The following GRM1 variants were observed in gnomAD, a reference collection of about 807,000 sequenced individuals.
The protein encoded by GRM1 is metabotropic glutamate receptor 1.
In GRM1, 33 loss-of-function variants were observed where a neutral mutation model predicts 90.9. The ratio of observed to expected loss-of-function variants is 0.36; its 90% CI spans 0.28 to 0.49. The LOEUF is 0.49. Ranked by LOEUF, GRM1 falls within the 20% of genes least tolerant of loss-of-function variation. The pLI, the probability that GRM1 is intolerant of heterozygous loss-of-function variation, is 0.99. For missense variants in GRM1, 1,190 were observed against 1,534.3 expected, an observed-to-expected ratio of 0.78 and a Z score of 3.75; for synonymous variants, 700 against 613.2, an observed-to-expected ratio of 1.14 and a Z score of -2.09.
intron 5 of GRM1, among the ~76,000 whole-genome samples, chr6:146,386,437 T>C (rs1286806662): frequency 6.6e-6 from 1 of 152,146 alleles, no homozygotes; most frequent in Non-Finnish European, 1.5e-5. Context: ...TAATTCAGTT[T>C]TTCATAATTA....
chr6:146,382,788 T>G (rs1291879190), intron 5 of GRM1, among the ~76,000 whole-genome samples: 1 of 152,130 alleles, frequency 6.6e-6, no homozygotes, highest in Non-Finnish European at 1.5e-5. Context: ...CATTCAACAC[T>G]CATTTATTGG....
Position 146,428,678 on chromosome 6 carries a change from AATC to A in GRM1, c.2661-5191_2661-5189del, listed in dbSNP as rs545575299. Among the ~76,000 whole-genome samples the A allele has an allele frequency of 8.5e-4, 130 of 152,318 alleles. 1 individual carries two copies. The highest frequency in any genetic ancestry group is 2.8e-3 in the African/African-American group (118 of 41,566). ...TCATCTATACTTCCTGAAGAAATATAATCATATTTGTTATACCTCTGCTAAAGC... is the reference window on the plus strand; with the variant it reads ...TCATCTATACTTCCTGAAGAAATATAATATTTGTTATACCTCTGCTAAAGC... On this transcript the variant is annotated intron_variant, in intron 7 of 7. Transcript: ENST00000282753.
intron 2 of GRM1, among the ~76,000 whole-genome samples, chr6:146,193,485 G>A (rs540605229): frequency 7.2e-5 from 11 of 152,276 alleles, no homozygotes; most frequent in Non-Finnish European, 1.3e-4. Context: ...GTGAAAAAAA[G>A]TACAACTGGA....
intron 2 of GRM1, among the ~76,000 whole-genome samples, chr6:146,175,017 G>C (rs966823301): frequency 6.6e-6 from 1 of 152,114 alleles, no homozygotes; most frequent in African/African-American, 2.4e-5. Context: ...AGAGAGAGGG[G>C]AGAACATCAC....
chr6:146,098,207 T>C (rs1776936516), intron 1 of GRM1, among the ~76,000 whole-genome samples: 1 of 152,182 alleles, frequency 6.6e-6, no homozygotes, highest in Non-Finnish European at 1.5e-5. Flanking sequence ...GATAGAATCA[T>C]TTTTAATATA....
In GRM1 at chr6:146,425,280, A is replaced by G. The variant is rs183857874; in HGVS notation, c.2661-8592A>G. Reference sequence around the variant, plus strand: ...AATCCCTTGCTTTCAGGTAGTGAACATCTGTTCCAGAGTATTCTTGTTTAA... The same window carrying G: ...AATCCCTTGCTTTCAGGTAGTGAACGTCTGTTCCAGAGTATTCTTGTTTAA... On this transcript the variant is annotated intron_variant, in intron 7 of 7. Transcript: ENST00000282753. 2.4e-3 allele frequency among the ~76,000 whole-genome samples: 363 copies of G among 152,302 alleles called. 1 individual carries two copies. The highest frequency in any genetic ancestry group is 0.024 in the Middle Eastern group (7 of 294).
At chr6:146,207,483 T>A (rs889803514) in intron 2 of GRM1, among the ~76,000 whole-genome samples, 1 of 152,228 alleles carries the variant, frequency 6.6e-6, no homozygotes, top group African/African-American at 2.4e-5. Context: ...TTATAGATGC[T>A]GGATATTGGA....
chr6:146,236,901 G>A lies in GRM1; in HGVS notation c.951-67710G>A, dbSNP rs940040307. On this transcript the variant is annotated intron_variant, in intron 2 of 7. Coordinates refer to ENST00000282753, the MANE Select transcript of GRM1 (RefSeq NM_001278064.2). The stretch of plus-strand genomic sequence containing the variant: ...TGTGGTGGCATCCAGTGAGGTTTGT[G>A]AAGAGTCTGGAAGTGGGTCAAACTC... Among the ~76,000 whole-genome samples the A allele has an allele frequency of 3.5e-4, 53 of 152,174 alleles. 1 individual carries two copies. Among genetic ancestry groups the A allele is most frequent in the East Asian group, 1.9e-4 (1 of 5,152 alleles).
chr6:146,085,488 C>T (rs561153824), intron 1 of GRM1, among the ~76,000 whole-genome samples: 4 of 152,086 alleles, frequency 2.6e-5, no homozygotes, highest in Admixed American at 6.6e-5. Context: ...TTAGATCACT[C>T]GTAAGTCTCT....
intron 1 of GRM1, among the ~76,000 whole-genome samples, chr6:146,110,578 T>C (rs1775521054): frequency 6.6e-6 from 1 of 152,158 alleles, no homozygotes; most frequent in South Asian, 2.1e-4. Flanking sequence ...TCCCATCTGT[T>C]TGTGCTCACC....
At chr6:146,232,671 C>T (rs1463793235) in intron 2 of GRM1, among the ~76,000 whole-genome samples, 1 of 152,006 alleles carries the variant, frequency 6.6e-6, no homozygotes, top group Non-Finnish European at 1.5e-5. Flanking sequence ...ACCTGCCCTC[C>T]AGCCCCCCAA....
At chr6:146,204,157 G>A (rs1337611314) in intron 2 of GRM1, among the ~76,000 whole-genome samples, 1 of 152,136 alleles carries the variant, frequency 6.6e-6, no homozygotes, top group Non-Finnish European at 1.5e-5. Flanking sequence ...TTTATAAGGT[G>A]GATTAGCAGG....
intron 1 of GRM1, among the ~76,000 whole-genome samples, chr6:146,105,915 G>T (rs1396529851): frequency 6.6e-6 from 1 of 152,116 alleles, no homozygotes; most frequent in East Asian, 1.9e-4. Flanking sequence ...CCTAACTAAA[G>T]CTTGGGTCTC....
intron 1 of GRM1, among the ~76,000 whole-genome samples, chr6:146,065,680 C>T (rs1166776672): frequency 6.6e-6 from 1 of 152,136 alleles, no homozygotes; most frequent in African/African-American, 2.4e-5. Flanking sequence ...TAGACCCCTC[C>T]TGATCCACGT....
intron 2 of GRM1, among the ~76,000 whole-genome samples, chr6:146,198,280 T>C (rs925748080): frequency 1.3e-5 from 2 of 152,330 alleles, no homozygotes; most frequent in Admixed American, 1.3e-4. Flanking sequence ...CTATAGTCAT[T>C]GTCCAGGTTC....
chr6:146,289,868 G>A (rs895698104), intron 2 of GRM1, among the ~76,000 whole-genome samples: 11 of 152,206 alleles, frequency 7.2e-5, no homozygotes, highest in Non-Finnish European at 1.0e-4. Context: ...CCATCTAGGT[G>A]AGTGTAAATA....
intron 1 of GRM1, among the ~76,000 whole-genome samples, chr6:146,036,956 GAC>G (rs1407528070): frequency 2.6e-5 from 4 of 151,880 alleles, no homozygotes; most frequent in Non-Finnish European, 5.9e-5. Flanking sequence ...TGTTGGAAGA[GAC>G]ATGTAAATAT....
At chr6:146,250,773 G>C (rs1199341326) in intron 2 of GRM1, among the ~76,000 whole-genome samples, 1 of 152,160 alleles carries the variant, frequency 6.6e-6, no homozygotes, top group Non-Finnish European at 1.5e-5. Flanking sequence ...ATTCTATTAT[G>C]AACCCCATAC....
intron 2 of GRM1, among the ~76,000 whole-genome samples, chr6:146,237,905 T>C (rs1780710852): frequency 6.6e-6 from 1 of 152,196 alleles, no homozygotes; most frequent in Non-Finnish European, 1.5e-5. Context: ...TGCTGGGTGC[T>C]GAACATAAAT....
Sources: allele counts gnomAD v4.1 joint callset (sites outside exome capture counted in the v4.1 genomes callset), GRCh38; gene constraint gnomAD v4.1.1; transcripts MANE v1.5; gene names NCBI Gene and HGNC (gene_info 2026-07-23, HGNC 2026-07-21).